The following FSCN2 variants were observed in gnomAD, a reference collection of about 807,000 sequenced individuals.
The protein encoded by FSCN2 is fascin actin-bundling protein 2, retinal.
Under a neutral mutation model 37.8 loss-of-function variants are expected in FSCN2, and 46 were observed. That is an observed-to-expected ratio of 1.22 (90% CI 0.96 to 1.56). FSCN2 has a LOEUF of 1.56. FSCN2 is among the 40% of genes most tolerant of loss of function. FSCN2 has a pLI of 0.00. For missense variants in FSCN2, 844 were observed against 730.4 expected (o/e 1.16, Z -1.79); for synonymous variants, 351 against 309.4 (o/e 1.13, Z -1.41).
upstream of FSCN2, among the ~76,000 whole-genome samples, chr17:81,525,667 GTGAGCCA>G: frequency 6.6e-6 from 1 of 152,166 alleles, no homozygotes; most frequent in African/African-American, 2.4e-5. Context: ...AGAGGTTGCA[GTGAGCCA>G]AGATTGTGCC....
chr17:81,521,363 CTTT>C, the FSCN2 span, among the ~76,000 whole-genome samples: 15 of 134,564 alleles, frequency 1.1e-4, no homozygotes, highest in Admixed American at 3.0e-4. Context: ...CCAAGCCCAG[CTTT>C]TTTTTTTTTT....
chr17:81,520,081 G>C, the FSCN2 span, among the ~76,000 whole-genome samples: 1 of 152,214 alleles, frequency 6.6e-6, no homozygotes, highest in East Asian at 1.9e-4. Flanking sequence ...GGCTGGGCCA[G>C]GCCGTGGCAG....
chr17:81,528,063 G>T (rs1451560256), upstream of FSCN2, among the ~76,000 whole-genome samples: 1 of 151,400 alleles, frequency 6.6e-6, no homozygotes, highest in African/African-American at 2.5e-5. Context: ...CGGAAGGGCT[G>T]GGCCGGGCCG....
chr17:81,531,576 GTGA>G (rs1241639534), intron 1 of FSCN2, among the ~76,000 whole-genome samples: 13 of 139,164 alleles, frequency 9.3e-5, no homozygotes, highest in African/African-American at 1.4e-4. Flanking sequence ...GATAGTGATG[GTGA>G]TGATGGTGAT....
At chr17:81,536,300 G>A (rs369041384) in intron 3 of FSCN2, 33 bp downstream of exon 3, 1 of 1,577,494 alleles carries the variant, frequency 6.3e-7, no homozygotes, top group Admixed American at 1.8e-5. Flanking sequence ...ACTGGGGCAG[G>A]GGCTGTCTCC....
In FSCN2 at chr17:81,528,460, G is replaced by A. The variant is rs1036668851; in HGVS notation, c.-72G>A. 1 of 1,194,052 alleles carries A rather than the reference G, an allele frequency of 8.4e-7. No individual in the cohort carries two copies. Among genetic ancestry groups the A allele is most frequent in the Non-Finnish European group, 1.2e-6 (1 of 845,142 alleles). 74.0% of individuals were successfully genotyped at this position (1,194,052 alleles called of 1,614,324 possible). On this transcript the variant is annotated 5_prime_UTR_variant, in exon 1 of 5. Transcript: ENST00000417245. Reference sequence around the variant, plus strand: ...GCCAGCCGAGCCGACCCGGGCTTCTGGGGGACCGCGGGGGCCGTGAGCACT... The same window carrying A: ...GCCAGCCGAGCCGACCCGGGCTTCTAGGGGACCGCGGGGGCCGTGAGCACT...
chr17:81,522,647 G>A, the FSCN2 span, among the ~76,000 whole-genome samples: 34 of 152,376 alleles, frequency 2.2e-4, no homozygotes, highest in Non-Finnish European at 2.6e-4. Context: ...TGGGCAGGGC[G>A]TATGTACACC....
chr17:81,534,024 G>A (rs7214213), intron 1 of FSCN2, among the ~76,000 whole-genome samples: 41 of 152,312 alleles, frequency 2.7e-4, no homozygotes, highest in African/African-American at 9.6e-4. Context: ...TTCAGTATTT[G>A]CCAGGATCTA....
chr17:81,518,029 T>C, the FSCN2 span, among the ~76,000 whole-genome samples: 6 of 152,120 alleles, frequency 3.9e-5, no homozygotes, highest in Non-Finnish European at 7.4e-5. Context: ...GCTTCCGCAA[T>C]GAATCCCCAT....
intron 1 of FSCN2, among the ~76,000 whole-genome samples, chr17:81,529,893 G>A (rs915468921): frequency 2.6e-5 from 4 of 152,182 alleles, no homozygotes; most frequent in South Asian, 2.1e-4. Flanking sequence ...CACTGCAAGC[G>A]CCGCCTCACG....
At chr17:81,533,727 G>A (rs144213864) in intron 1 of FSCN2, among the ~76,000 whole-genome samples, 10,534 of 152,180 alleles carry the variant, frequency 0.069, 1,083 homozygotes, top group African/African-American at 0.22. Context: ...AGACCAAGGC[G>A]GACTCCACTC....
the FSCN2 span, among the ~76,000 whole-genome samples, chr17:81,519,900 C>G: frequency 2.6e-5 from 4 of 152,200 alleles, no homozygotes; most frequent in Non-Finnish European, 5.9e-5. Context: ...CTCTGCTCCC[C>G]TAGCAGATGG....
chr17:81,534,939 A>G, intron 1 of FSCN2, 113 bp from the exon 2 acceptor site: 1 of 682,356 alleles, frequency 1.5e-6, no homozygotes, highest in South Asian at 2.3e-5. Context: ...TCAAGTCAAG[A>G]GGGTTCTAGA....
upstream of FSCN2, among the ~76,000 whole-genome samples, chr17:81,523,416 G>A (rs1555669712): frequency 1.3e-5 from 2 of 152,246 alleles, no homozygotes; most frequent in South Asian, 2.1e-4. Context: ...GAACTGCAGC[G>A]GAGCCGATAG....
chr17:81,536,658 G>T lies in FSCN2; in HGVS notation c.1142G>T (p.Arg381Leu), dbSNP rs766816068. The T allele has an allele frequency of 5.6e-6, 9 of 1,611,018 alleles. No individual in the cohort carries two copies. Among genetic ancestry groups the T allele is most frequent in the South Asian group, 1.1e-5 (1 of 90,934 alleles). The change falls in exon 4 of 5, where the codon CGG becomes CTG. Residue 381 changes from arginine (R) to leucine (L), a missense_variant. Transcript: ENST00000417245. ...GAGTTCACCCTCAAGCTCATCAACC[G>T]GCCCATCCTGGTGCTGCGCGGCCTG... is the stretch of plus-strand genomic sequence containing the variant. ...DEEFTLKLIN[R>L]PILVLRGLDG...
the FSCN2 span, among the ~76,000 whole-genome samples, chr17:81,520,215 C>T: frequency 6.6e-6 from 1 of 152,084 alleles, no homozygotes; most frequent in Non-Finnish European, 1.5e-5. Context: ...GTCACACTTC[C>T]TCCTGGGGCC....
At chr17:81,517,315 CTG>C in the FSCN2 span, among the ~76,000 whole-genome samples, 1 of 152,272 alleles carries the variant, frequency 6.6e-6, no homozygotes, top group South Asian at 2.1e-4. Context: ...CGGCTCAGCC[CTG>C]TGCCTGCCAC....
chr17:81,536,448 G>A (rs2032880123), intron 3 of FSCN2, 174 bp from the exon 4 acceptor site: 7 of 1,482,462 alleles, frequency 4.7e-6, no homozygotes, highest in South Asian at 2.6e-5. Flanking sequence ...AGGTCTGAAT[G>A]TCCTTATCTC....
the FSCN2 span, among the ~76,000 whole-genome samples, chr17:81,520,261 G>GAAT: frequency 5.3e-5 from 8 of 152,276 alleles, no homozygotes; most frequent in Non-Finnish European, 1.0e-4. Context: ...AGGGGTGGGG[G>GAAT]GAGAACACAC....
Sources: allele counts gnomAD v4.1 joint callset (sites outside exome capture counted in the v4.1 genomes callset), GRCh38; gene constraint gnomAD v4.1.1; transcripts MANE v1.5; gene names NCBI Gene and HGNC (gene_info 2026-07-23, HGNC 2026-07-21).